The following BNC1 variants were observed in gnomAD, a reference collection of about 807,000 sequenced individuals.
BNC1 encodes the protein basonuclin zinc finger protein 1.
Under a neutral mutation model 66.5 loss-of-function variants are expected in BNC1, and 8 were observed. The ratio of observed to expected loss-of-function variants is 0.12; its 90% CI spans 0.07 to 0.22. The LOEUF is 0.22. Among genes scored for constraint, BNC1 ranks in the 10% least tolerant of loss-of-function variants. The pLI is 1.00. For synonymous variants in BNC1, 454 were observed against 452.6 expected, an observed-to-expected ratio of 1.00 and a Z score of -0.04; for missense variants, 1,069 against 1,241.3, an observed-to-expected ratio of 0.86 and a Z score of 2.09.
chr15:83,274,860 G>T (rs1173688518), intron 1 of BNC1, among the ~76,000 whole-genome samples: 4 of 152,170 alleles, frequency 2.6e-5, no homozygotes, highest in Admixed American at 2.6e-4. Flanking sequence ...TACTGGGATG[G>T]TCTCAAATTT....
intron 1 of BNC1, among the ~76,000 whole-genome samples, chr15:83,274,530 T>C (rs1441348033): frequency 1.3e-5 from 2 of 152,242 alleles, no homozygotes; most frequent in Non-Finnish European, 1.5e-5. Context: ...AAAGCTCTAC[T>C]GGACAAGGCT....
At chr15:83,272,876 G>C (rs545814956) in intron 1 of BNC1, among the ~76,000 whole-genome samples, 1 of 152,198 alleles carries the variant, frequency 6.6e-6, no homozygotes, top group African/African-American at 2.4e-5. Context: ...CTGTATGTAC[G>C]ACATCTGATC....
intron 3 of BNC1, among the ~76,000 whole-genome samples, chr15:83,265,851 G>A (rs1416621790): frequency 1.3e-5 from 2 of 152,196 alleles, no homozygotes; most frequent in Non-Finnish European, 2.9e-5. Flanking sequence ...AAGATTATTG[G>A]GAGTGGATCT....
Position 83,264,513 on chromosome 15 carries a change from G to C in BNC1, c.738C>G (p.Phe246Leu). ...CAGGAGGCAGAGGGTTGAAGAACTG[G>C]AAAGGCAGCATGAAAGTCATGTTGC... The part of the protein sequence containing the change: ...LISNMTFMLP[F>L]QFFNPLPPAL... The change falls in exon 4 of 5, where the codon TTC (phenylalanine) becomes TTG (leucine). Residue 246 changes from phenylalanine (F) to leucine (L), a missense_variant. This residue lies in a region of BNC1 where 181 missense variants were observed against 181.5 expected (regional missense o/e 1.00). Coordinates refer to ENST00000345382, the MANE Select transcript of BNC1 (RefSeq NM_001717.4). 3.7e-6 allele frequency: 6 copies of C among 1,614,110 alleles called. No homozygotes were observed. The South Asian group carries it at 5.5e-5, about 15-fold the overall frequency.
intron 4 of BNC1, among the ~76,000 whole-genome samples, chr15:83,262,600 T>C (rs2038156229): frequency 6.6e-6 from 1 of 152,226 alleles, no homozygotes; most frequent in Non-Finnish European, 1.5e-5. Context: ...TTTTTGGAAG[T>C]AAAAATTCAT....
chr15:83,260,634 C>A (rs1176212162), intron 4 of BNC1, among the ~76,000 whole-genome samples: 8 of 152,202 alleles, frequency 5.3e-5, no homozygotes, highest in Admixed American at 5.2e-4. Flanking sequence ...TCCTCCACTA[C>A]AGAAGGCCTC....
At position 83,257,275 on chromosome 15, in the gene BNC1, C is replaced by T. The variant is rs996786584; in HGVS notation, c.*167G>A. On this transcript the variant is annotated 3_prime_UTR_variant, in exon 5 of 5. Coordinates refer to ENST00000345382, the MANE Select transcript of BNC1 (RefSeq NM_001717.4). ...GAAGGGCTGCCCCAGTGTCATCTTC[C>T]CACGAGGTTTGTCTTTTGCTCATTG... 2 of 764,958 alleles carry T rather than the reference C, an allele frequency of 2.6e-6. No individual in the cohort carries two copies. The highest frequency in any genetic ancestry group is 4.1e-6 in the Non-Finnish European group (2 of 484,762). 47.4% of individuals were successfully genotyped at this position (764,958 alleles called of 1,614,324 possible).
At chr15:83,283,446 C>CA in intron 1 of BNC1, 1 of 1,231,464 alleles carries the variant, frequency 8.1e-7, no homozygotes, top group Non-Finnish European at 1.0e-6. Context: ...CGGCTCCCAG[C>CA]ACGGAACCGA....
Position 83,263,850 on chromosome 15 carries a change from TG to T in BNC1, c.1400del (p.Pro467GlnfsTer16), listed in dbSNP as rs773630599. On this transcript the variant is annotated frameshift_variant, in exon 4 of 5. Coordinates refer to ENST00000345382, the MANE Select transcript of BNC1 (RefSeq NM_001717.4). LOFTEE classifies it high-confidence loss of function. ...CATTTTGCCCAATGTTTGGGAAGGC[TG>T]GTTGGCCTTTGGAATCCTCTCCTGA... ...PGSGEDSKGQ[P>X]AFPNIGQNGV... The T allele has an allele frequency of 6.2e-7, 1 of 1,614,202 alleles. No homozygotes were observed. Among genetic ancestry groups the T allele is most frequent in the Admixed American group, 1.7e-5 (1 of 60,032 alleles).
intron 1 of BNC1, among the ~76,000 whole-genome samples, chr15:83,277,272 G>T (rs971500772): frequency 6.6e-6 from 1 of 152,066 alleles, no homozygotes; most frequent in Non-Finnish European, 1.5e-5. Context: ...AGAGACGGGG[G>T]TCTCACTATG....
chr15:83,284,548 G>A lies in BNC1; in HGVS notation c.81C>T (p.Ser27=). The stretch of plus-strand genomic sequence containing the variant: ...CGCTTACCTCGGCCATCCTGCGACC[G>A]CTGCGGTGCCGGGGCTGCCGGCGCG... ...RETRRQPRHR[S]GRRMAEAISC... is the part of the protein sequence containing the mutation. Residue 27 remains serine (S), a synonymous_variant, in exon 1 of 5, where the codon AGC becomes AGT. Coordinates refer to ENST00000345382, the MANE Select transcript of BNC1 (RefSeq NM_001717.4). 2.6e-6 allele frequency: 3 copies of A among 1,162,494 alleles called. No homozygotes were observed. The highest frequency in any genetic ancestry group is 8.6e-5 in the Admixed American group (2 of 23,168). The allele number at this position is 1,162,494 out of a possible 1,614,324, so 72.0% of individuals were successfully genotyped here.
chr15:83,277,010 A>C (rs1247475048), intron 1 of BNC1, among the ~76,000 whole-genome samples: 2 of 152,168 alleles, frequency 1.3e-5, no homozygotes, highest in Non-Finnish European at 2.9e-5. Context: ...TTCAACTTTA[A>C]ATTTAAAAAC....
chr15:83,258,529 C>CT (rs2038108753), intron 4 of BNC1, among the ~76,000 whole-genome samples: 1 of 152,172 alleles, frequency 6.6e-6, no homozygotes, highest in Non-Finnish European at 1.5e-5. Context: ...CACAGCAGCA[C>CT]TTCCCCCATT....
chr15:83,264,009 G>T lies in BNC1; in HGVS notation c.1242C>A (p.His414Gln). ...CCCGGTTATTTCTGTTCATTGGCAT[G>T]TGCAGCCGAGGGTTGGGGTTGGCGC... Reference protein sequence around the residue: ...RHSANPNPRLHMPMNRNNRDK... With the variant: ...RHSANPNPRLQMPMNRNNRDK... Residue 414 changes from histidine to glutamine, a missense_variant, in exon 4 of 5, where the codon CAC (histidine) becomes CAA (glutamine). By Grantham distance (24) the His-to-Gln change is conservative. Around this residue, in one of 7 missense-constraint regions of BNC1, gnomAD observed 657 missense variants for 715.8 expected, o/e 0.92. Coordinates refer to ENST00000345382, the MANE Select transcript of BNC1 (RefSeq NM_001717.4). 1 of 1,614,206 alleles carries T rather than the reference G, an allele frequency of 6.2e-7. No homozygotes were observed. Among genetic ancestry groups the T allele is most frequent in the Non-Finnish European group, 8.5e-7 (1 of 1,180,042 alleles).
At chr15:83,274,003 G>C (rs1006682465) in intron 1 of BNC1, among the ~76,000 whole-genome samples, 3 of 152,158 alleles carry the variant, frequency 2.0e-5, no homozygotes, top group Admixed American at 2.0e-4. Flanking sequence ...TATTCCTGGG[G>C]GACTAACTGG....
At chr15:83,279,615 A>C (rs951040980) in intron 1 of BNC1, among the ~76,000 whole-genome samples, 1 of 152,202 alleles carries the variant, frequency 6.6e-6, no homozygotes, top group African/African-American at 2.4e-5. Context: ...AGTGAGACCT[A>C]CCTTGAAAGA....
In BNC1 at chr15:83,284,575, C is replaced by T. The variant is rs1389155091; in HGVS notation, c.54G>A (p.Glu18=). The stretch of plus-strand genomic sequence containing the variant: ...TGCGGTGCCGGGGCTGCCGGCGCGT[C>T]TCCCGGGCCCGGGCCGCCCCGCGTC... The part of the protein sequence containing the change: ...RGGRGAARAR[E]TRRQPRHRSG... Residue 18 remains glutamate, a synonymous_variant, in exon 1 of 5, where the codon GAG becomes GAA. Coordinates refer to ENST00000345382, the MANE Select transcript of BNC1 (RefSeq NM_001717.4). 3.5e-5 allele frequency: 37 copies of T among 1,071,882 alleles called. No individual in the cohort carries two copies. The highest frequency in any genetic ancestry group is 4.1e-5 in the Non-Finnish European group (36 of 887,368). 66.4% of individuals were successfully genotyped at this position (1,071,882 alleles called of 1,614,324 possible).
chr15:83,265,951 G>A (rs1387908286), intron 3 of BNC1, among the ~76,000 whole-genome samples: 3 of 152,092 alleles, frequency 2.0e-5, no homozygotes, highest in Admixed American at 1.3e-4. Flanking sequence ...AAATATGTTC[G>A]CCTCCCATTT....
At chr15:83,262,860 T>C in intron 4 of BNC1, 91 bp downstream of exon 4, 1 of 1,326,920 alleles carries the variant, frequency 7.5e-7, no homozygotes, top group African/African-American at 1.5e-5. Context: ...CTCAGAAGTC[T>C]GTGTTTTAAC....
Sources: allele counts gnomAD v4.1 joint callset (sites outside exome capture counted in the v4.1 genomes callset), GRCh38; gene constraint gnomAD v4.1.1; regional missense constraint gnomAD v4.1.1; transcripts MANE v1.5; gene names NCBI Gene and HGNC (gene_info 2026-07-23, HGNC 2026-07-21).